Variants in ANKRD44 observed in about 807,000 individuals in gnomAD.
The protein encoded by ANKRD44 is serine/threonine-protein phosphatase 6 regulatory ankyrin repeat subunit B.
Under a neutral mutation model 116.0 loss-of-function variants are expected in ANKRD44, and 35 were observed. That is an observed-to-expected ratio of 0.30 (90% CI 0.23 to 0.40). The LOEUF (loss-of-function observed/expected upper bound fraction) is 0.40, where lower values mean the gene tolerates loss of function less well. ANKRD44 is among the 10% of genes least tolerant of loss of function. The pLI, the probability that ANKRD44 is intolerant of heterozygous loss-of-function variation, is 1.00. For missense variants in ANKRD44, 1,014 were observed against 1,242.6 expected (o/e 0.82, Z 2.77); for synonymous variants, 435 against 461.8 (o/e 0.94, Z 0.74).
At chr2:197,190,234 A>G (rs10497804) in intron 1 of ANKRD44, among the ~76,000 whole-genome samples, 34,015 of 152,108 alleles carry the variant, frequency 0.22, 3,997 homozygotes, top group Middle Eastern at 0.27. Flanking sequence ...ACACATGTTG[A>G]GTCATACACA....
In ANKRD44 at chr2:196,986,946, T is replaced by C; in HGVS notation, c.*2645A>G. 3 of 985,462 alleles carry C rather than the reference T, an allele frequency of 3.0e-6. No individual in the cohort carries two copies. Among genetic ancestry groups the C allele is most frequent in the Non-Finnish European group, 3.6e-6 (3 of 829,910 alleles). 61.0% of individuals were successfully genotyped at this position (985,462 alleles called of 1,614,324 possible). On this transcript the variant is annotated 3_prime_UTR_variant, in exon 28 of 28. Coordinates refer to ENST00000282272, the MANE Select transcript of ANKRD44 (RefSeq NM_001195144.2). ...ACTGAAATCATCAAACAATATTTTA[T>C]GCTGTTACAAATATGTTATGCAAAA...
intron 9 of ANKRD44, among the ~76,000 whole-genome samples, chr2:197,107,678 T>C (rs1192734192): frequency 4.6e-5 from 7 of 152,164 alleles, no homozygotes; most frequent in Non-Finnish European, 1.0e-4. Context: ...CAAAGAACAT[T>C]CCTCAGTAGC....
chr2:197,084,213 T>G (rs1433237788), intron 13 of ANKRD44, among the ~76,000 whole-genome samples: 1 of 152,118 alleles, frequency 6.6e-6, no homozygotes. Flanking sequence ...ATGTACCCAA[T>G]AGGATAACCA....
intron 1 of ANKRD44, among the ~76,000 whole-genome samples, chr2:197,276,612 C>G (rs897126961): frequency 1.5e-4 from 23 of 152,086 alleles, no homozygotes; most frequent in Admixed American, 3.3e-4. Context: ...GAAATACATG[C>G]TACTTTATTA....
intron 1 of ANKRD44, among the ~76,000 whole-genome samples, chr2:197,282,407 G>A (rs1311561049): frequency 3.9e-5 from 6 of 151,974 alleles, no homozygotes; most frequent in Non-Finnish European, 2.9e-5. Context: ...GTAACAGGCT[G>A]GTCTGAGAGG....
At chr2:197,038,888 AG>A (rs1223052105) in intron 16 of ANKRD44, among the ~76,000 whole-genome samples, 1 of 152,206 alleles carries the variant, frequency 6.6e-6, no homozygotes, top group East Asian at 1.9e-4. Flanking sequence ...AGAAGCGAAA[AG>A]GGTTTTAACT....
At chr2:197,299,568 A>G (rs1029797646) in intron 1 of ANKRD44, 2 of 152,224 alleles carry the variant, frequency 1.3e-5, no homozygotes, top group African/African-American at 4.8e-5. Context: ...ATTCTAACTG[A>G]AATAACTCAG....
At position 196,993,682 on chromosome 2, in the gene ANKRD44, A is replaced by G. The variant is rs940026421; in HGVS notation, c.2832-8T>C. On this transcript the variant is annotated splice_region_variant and splice_polypyrimidine_tract_variant and intron_variant, in intron 26 of 27. Transcript: ENST00000282272. Reference sequence around the variant, plus strand: ...GCAGCGACGTGGAGGGGTCTAAAAAACACAAGACCGAGCATCAGTTGTGAT... The same window carrying G: ...GCAGCGACGTGGAGGGGTCTAAAAAGCACAAGACCGAGCATCAGTTGTGAT... 2.3e-5 allele frequency: 35 copies of G among 1,550,134 alleles called. No individual in the cohort carries two copies. The highest frequency in any genetic ancestry group is 2.2e-4 in the Admixed American group (11 of 50,978).
chr2:197,083,475 A>G lies in ANKRD44; in HGVS notation c.1351T>C (p.Phe451Leu). The G allele has an allele frequency of 3.7e-6, 6 of 1,613,688 alleles. No homozygotes were observed. The highest frequency in any genetic ancestry group is 5.1e-6 in the Non-Finnish European group (6 of 1,179,768). ...GTCACTAATGTCTCAATACAGTGGA[A>G]ATGACAATTCGCAGCTGCATAGTGC... ...PLHYAAANCH[F>L]HCIETLVTTG... is the part of the protein sequence containing the mutation. Residue 451 changes from phenylalanine (F) to leucine (L), a missense_variant, in exon 14 of 28, where the codon TTC (phenylalanine) becomes CTC (leucine). Phe to Leu is a conservative substitution (Grantham distance 22). Transcript: ENST00000282272.
Position 197,136,922 on chromosome 2 carries a change from T to C in ANKRD44, c.191-260A>G, listed in dbSNP as rs576174251. On this transcript the variant is annotated intron_variant, in intron 3 of 27. Transcript: ENST00000282272. ...ATGAGGCTTTTGGATAGATAGGACA[T>C]CAGGCCTATAAATTGCTCACTACTT... Among the ~76,000 whole-genome samples the C allele has an allele frequency of 2.0e-5, 3 of 152,314 alleles. No homozygotes were observed. In the South Asian group the frequency reaches 6.2e-4, roughly 32 times the overall value.
intron 17 of ANKRD44, among the ~76,000 whole-genome samples, chr2:197,017,085 G>A (rs962477543): frequency 1.3e-5 from 2 of 152,172 alleles, no homozygotes; most frequent in African/African-American, 4.8e-5. Flanking sequence ...GTCATGCCCA[G>A]TATTAGATAA....
At chr2:197,217,805 G>A (rs1417704975) in intron 1 of ANKRD44, among the ~76,000 whole-genome samples, 2 of 152,154 alleles carry the variant, frequency 1.3e-5, no homozygotes, top group Admixed American at 1.3e-4. Context: ...TGGAAGGTAT[G>A]TATTTTTGTA....
intron 20 of ANKRD44, 150 bp downstream of exon 20, chr2:197,007,656 A>T (rs545570935): frequency 1.7e-6 from 1 of 597,778 alleles, no homozygotes; most frequent in South Asian, 2.1e-5. Context: ...TGGACTGAAT[A>T]AGGTTAATTG....
At chr2:197,293,699 G>A (rs899209409) in intron 1 of ANKRD44, among the ~76,000 whole-genome samples, 13 of 152,134 alleles carry the variant, frequency 8.5e-5, no homozygotes, top group African/African-American at 2.4e-4. Flanking sequence ...GAAGTTCCAC[G>A]GTCTTCTGTG....
Position 196,986,804 on chromosome 2 carries a change from G to A in ANKRD44, c.*2787C>T. 1 of 985,368 alleles carries A rather than the reference G, an allele frequency of 1.0e-6. No individual in the cohort carries two copies. The highest frequency in any genetic ancestry group is 1.2e-6 in the Non-Finnish European group (1 of 829,914). The allele number at this position is 985,368 out of a possible 1,614,324, so 61.0% of individuals were successfully genotyped here. ...ATTAAACTGTGCTTGAGAAGATTCA[G>A]ATTGTTTCAAAGTCATTCACTGAAC... is the stretch of plus-strand genomic sequence containing the variant. On this transcript the variant is annotated 3_prime_UTR_variant, in exon 28 of 28. Transcript: ENST00000282272.
chr2:197,127,900 T>G (rs2079012311), intron 4 of ANKRD44, among the ~76,000 whole-genome samples: 1 of 152,198 alleles, frequency 6.6e-6, no homozygotes, highest in African/African-American at 2.4e-5. Context: ...CTCCCACTTG[T>G]AAGTGAGGAC....
In ANKRD44 at chr2:197,025,185, A is replaced by C; in HGVS notation, c.1722+11T>G. 6.2e-7 allele frequency: 1 copy of C among 1,607,286 alleles called. No homozygotes were observed. Among genetic ancestry groups the C allele is most frequent in the Non-Finnish European group, 8.5e-7 (1 of 1,174,406 alleles). On this transcript the variant is annotated intron_variant, in intron 17 of 27. Coordinates refer to ENST00000282272, the MANE Select transcript of ANKRD44 (RefSeq NM_001195144.2). ...TGTAACAGGTGAAGCTGCTCATGGC[A>C]TCTCACTTACAGCTAAGTGGAGTGG...
intron 16 of ANKRD44, among the ~76,000 whole-genome samples, chr2:197,051,898 A>G (rs530340525): frequency 2.0e-5 from 3 of 152,194 alleles, no homozygotes; most frequent in Non-Finnish European, 4.4e-5. Context: ...GCCCCCCACA[A>G]CAAAGAATTA....
chr2:197,266,658 G>A (rs2082749951), intron 1 of ANKRD44, among the ~76,000 whole-genome samples: 1 of 150,794 alleles, frequency 6.6e-6, no homozygotes, highest in Non-Finnish European at 1.5e-5. Context: ...ATAACCTCAG[G>A]CAAGTCATTG....
Sources: allele counts gnomAD v4.1 joint callset (sites outside exome capture counted in the v4.1 genomes callset), GRCh38; gene constraint gnomAD v4.1.1; transcripts MANE v1.5; gene names NCBI Gene and HGNC (gene_info 2026-07-23, HGNC 2026-07-21).